Variants in BBS9 observed in about 807,000 individuals in gnomAD.
The protein encoded by BBS9 is protein PTHB1.
In BBS9, 89 loss-of-function variants were observed where a neutral mutation model predicts 117.7. The observed-to-expected ratio is 0.76, with a 90% confidence interval of 0.64 to 0.90. The LOEUF is 0.90. Ranked by LOEUF, BBS9 falls within the 40% of genes least tolerant of loss-of-function variation. The pLI is 0.00. For missense variants in BBS9, 982 were observed against 1,042.2 expected, an observed-to-expected ratio of 0.94 and a Z score of 0.80; for synonymous variants, 379 against 370.9, an observed-to-expected ratio of 1.02 and a Z score of -0.25.
chr7:33,470,951 A>G (rs1200038637), intron 19 of BBS9, among the ~76,000 whole-genome samples: 2 of 152,200 alleles, frequency 1.3e-5, no homozygotes, highest in Non-Finnish European at 2.9e-5. Context: ...GCTGATACAT[A>G]GTAGATTCTA....
intron 10 of BBS9, among the ~76,000 whole-genome samples, chr7:33,339,613 G>A (rs1816095695): frequency 6.6e-6 from 1 of 151,988 alleles, no homozygotes; most frequent in Non-Finnish European, 1.5e-5. Flanking sequence ...AGGGTCACAG[G>A]GTGATCTCAG....
At chr7:33,604,735 C>T (rs1005794768) in intron 21 of BBS9, 130 bp from the exon 22 acceptor site, 1 of 734,212 alleles carries the variant, frequency 1.4e-6, no homozygotes, top group Non-Finnish European at 2.4e-6. Flanking sequence ...TCTTTTCAGG[C>T]CACTCCTGAA....
At position 33,425,677 on chromosome 7, in the gene BBS9, G is replaced by A. The variant is rs79402111; in HGVS notation, c.2115+37533G>A. Reference sequence around the variant, plus strand: ...TCCTTAAAAGGCTCAGAAACTAAAGGCGCTGTTATGAGAGGAGTTGGAAGA... The same window carrying A: ...TCCTTAAAAGGCTCAGAAACTAAAGACGCTGTTATGAGAGGAGTTGGAAGA... On this transcript the variant is annotated intron_variant, in intron 19 of 22. Transcript: ENST00000242067. Among the ~76,000 whole-genome samples, 3,006 of 152,262 alleles carry A rather than the reference G, an allele frequency of 0.02. 203 individuals carry two copies. The East Asian group carries it at 0.26, about 13-fold the overall frequency.
intron 19 of BBS9, among the ~76,000 whole-genome samples, chr7:33,411,241 C>G (rs1831090883): frequency 1.3e-5 from 2 of 152,088 alleles, no homozygotes; most frequent in African/African-American, 4.8e-5. Context: ...ATTTAGCAAA[C>G]TACTTCAAAT....
intron 21 of BBS9, among the ~76,000 whole-genome samples, chr7:33,627,083 G>A (rs1480274780): frequency 6.6e-6 from 1 of 152,232 alleles, no homozygotes; most frequent in African/African-American, 2.4e-5. Context: ...TAGGCCCGGA[G>A]GGTTAGGAGG....
chr7:33,456,067 G>A (rs1444808049), intron 19 of BBS9, among the ~76,000 whole-genome samples: 1 of 152,174 alleles, frequency 6.6e-6, no homozygotes, highest in Non-Finnish European at 1.5e-5. Flanking sequence ...AAGCCCATCA[G>A]CCAAGATGTG....
chr7:33,149,577 A>G (rs1320557167), intron 2 of BBS9, among the ~76,000 whole-genome samples: 1 of 152,226 alleles, frequency 6.6e-6, no homozygotes, highest in Non-Finnish European at 1.5e-5. Context: ...GGAGAGAGAG[A>G]GGATCTGAAT....
At chr7:33,509,284 G>A (rs184617773) in intron 20 of BBS9, among the ~76,000 whole-genome samples, 11 of 152,196 alleles carry the variant, frequency 7.2e-5, no homozygotes, top group Middle Eastern at 3.4e-3. Flanking sequence ...TAAGACATAC[G>A]CATGCAGTAT....
chr7:33,634,321 T>C (rs10274374), intron 21 of BBS9, among the ~76,000 whole-genome samples: 104,674 of 152,108 alleles, frequency 0.69, 37,676 homozygotes, highest in Admixed American at 0.79. Flanking sequence ...AGGTGGTGCA[T>C]GGAGCTTGTT....
At chr7:33,496,117 A>T (rs982908370) in intron 19 of BBS9, among the ~76,000 whole-genome samples, 13 of 152,124 alleles carry the variant, frequency 8.5e-5, no homozygotes, top group African/African-American at 3.1e-4. Context: ...GTCTCTTTTT[A>T]TGAAGACAAA....
intron 21 of BBS9, among the ~76,000 whole-genome samples, chr7:33,550,710 TAGTCA>T (rs1165756995): frequency 6.6e-6 from 1 of 152,192 alleles, no homozygotes; most frequent in African/African-American, 2.4e-5. Context: ...ATTGTTGGAA[TAGTCA>T]AGTCCTGATT....
At chr7:33,342,989 G>C (rs1173995635) in intron 11 of BBS9, among the ~76,000 whole-genome samples, 1 of 152,086 alleles carries the variant, frequency 6.6e-6, no homozygotes, top group Non-Finnish European at 1.5e-5. Flanking sequence ...TTTCTTAGAG[G>C]AGATAAGCAT....
chr7:33,330,835 T>A (rs368468261), intron 9 of BBS9, among the ~76,000 whole-genome samples: 17 of 152,324 alleles, frequency 1.1e-4, no homozygotes, highest in East Asian at 5.8e-4. Flanking sequence ...CACAGACCGA[T>A]AATAATTCAG....
chr7:33,135,941 T>C (rs1396830818), intron 1 of BBS9, among the ~76,000 whole-genome samples: 1 of 152,028 alleles, frequency 6.6e-6, no homozygotes, highest in Admixed American at 6.6e-5. Flanking sequence ...TTTTGTTTTT[T>C]GAGATGGGGT....
rs565595446 is a variant in BBS9, at chr7:33,171,341, C to T, written c.329-6137C>T. Among the ~76,000 whole-genome samples the T allele has an allele frequency of 2.6e-4, 39 of 152,154 alleles. 1 individual carries two copies. In the East Asian group the frequency reaches 6.6e-3, roughly 26 times the overall value. On this transcript the variant is annotated intron_variant, in intron 4 of 22. Transcript: ENST00000242067. ...TGATCTTTGACAAACCTGAGAAAAA[C>T]AAGCAGTGGGGAAAGGATTCCCTAT...
chr7:33,231,817 A>G (rs570083707), intron 5 of BBS9, among the ~76,000 whole-genome samples: 2 of 152,086 alleles, frequency 1.3e-5, no homozygotes, highest in South Asian at 4.2e-4. Context: ...GGGTTTTACT[A>G]CCCTTGACGC....
Position 33,485,517 on chromosome 7 carries a change from G to A in BBS9, c.2116-19946G>A, listed in dbSNP as rs1842994802. ...GTAGAGATGGGGTTTCACCGTGTTA[G>A]CCAGGATGGTCTCGATCTCCTGACC... is the stretch of plus-strand genomic sequence containing the variant. On this transcript the variant is annotated intron_variant, in intron 19 of 22. Transcript: ENST00000242067. Among the ~76,000 whole-genome samples, 3 of 151,956 alleles carry A rather than the reference G, an allele frequency of 2.0e-5. No homozygotes were observed. The South Asian group carries it at 6.2e-4, about 31-fold the overall frequency.
At chr7:33,184,304 T>C (rs1296529783) in intron 5 of BBS9, among the ~76,000 whole-genome samples, 1 of 152,170 alleles carries the variant, frequency 6.6e-6, no homozygotes, top group African/African-American at 2.4e-5. Flanking sequence ...AAGTTTCCCC[T>C]TTTGGGGAGA....
intron 19 of BBS9, among the ~76,000 whole-genome samples, chr7:33,503,807 G>A (rs1845781513): frequency 6.6e-6 from 1 of 151,978 alleles, no homozygotes. Context: ...GTGGGGGTGG[G>A]GGAGGAACAC....
Sources: allele counts gnomAD v4.1 joint callset (sites outside exome capture counted in the v4.1 genomes callset), GRCh38; gene constraint gnomAD v4.1.1; transcripts MANE v1.5; gene names NCBI Gene and HGNC (gene_info 2026-07-23, HGNC 2026-07-21).